Variants in NELL1 observed in about 807,000 individuals in gnomAD.
NELL1 encodes the protein protein kinase C-binding protein NELL1.
A neutral mutation model predicts 107.4 loss-of-function variants in NELL1; 76 were observed. The observed-to-expected ratio is 0.71, with a 90% confidence interval of 0.59 to 0.86. The LOEUF is 0.86. NELL1 is among the 40% of genes least tolerant of loss of function. The pLI is 0.00. For missense variants in NELL1, 1,024 were observed against 1,005.5 expected (o/e 1.02, Z -0.25); for synonymous variants, 353 against 341.2 (o/e 1.03, Z -0.38).
intron 12 of NELL1, among the ~76,000 whole-genome samples, chr11:21,093,886 C>G (rs977283944): frequency 1.3e-5 from 2 of 152,136 alleles, no homozygotes; most frequent in Non-Finnish European, 2.9e-5. Flanking sequence ...GTTGGGGAAA[C>G]AGCCAAATCA....
intron 13 of NELL1, among the ~76,000 whole-genome samples, chr11:21,185,276 G>A (rs1379619642): frequency 7.0e-6 from 1 of 142,020 alleles, no homozygotes; most frequent in Non-Finnish European, 1.5e-5. Context: ...GAACATACTT[G>A]TATTTAATTC....
At chr11:20,759,842 G>A (rs1439321108) in intron 2 of NELL1, among the ~76,000 whole-genome samples, 1 of 152,176 alleles carries the variant, frequency 6.6e-6, no homozygotes, top group Non-Finnish European at 1.5e-5. Flanking sequence ...GTGTTCCTGG[G>A]TCCAGAAGGA....
At chr11:20,694,564 C>G (rs1287516364) in intron 2 of NELL1, among the ~76,000 whole-genome samples, 1 of 152,026 alleles carries the variant, frequency 6.6e-6, no homozygotes, top group African/African-American at 2.4e-5. Flanking sequence ...TAGTAAAGAT[C>G]AGATGGTTGT....
At chr11:21,094,111 G>A (rs538974114) in intron 12 of NELL1, among the ~76,000 whole-genome samples, 402 of 152,150 alleles carry the variant, frequency 2.6e-3, no homozygotes, top group Non-Finnish European at 4.7e-3. Context: ...TGGGGGTACG[G>A]GATTGGGTAA....
chr11:20,687,187 T>C (rs1389857327), intron 2 of NELL1, among the ~76,000 whole-genome samples: 1 of 151,922 alleles, frequency 6.6e-6, no homozygotes, highest in Non-Finnish European at 1.5e-5. Context: ...TTAATAATTC[T>C]TTTAGTGAGA....
chr11:21,425,875 A>T (rs1852808234), intron 15 of NELL1, among the ~76,000 whole-genome samples: 1 of 152,188 alleles, frequency 6.6e-6, no homozygotes, highest in Non-Finnish European at 1.5e-5. Context: ...AACAAGGGAG[A>T]CAATAGAAAA....
At chr11:21,201,206 A>G (rs183866625) in intron 13 of NELL1, among the ~76,000 whole-genome samples, 3 of 152,334 alleles carry the variant, frequency 2.0e-5, no homozygotes, top group African/African-American at 7.2e-5. Flanking sequence ...CACTGAATCT[A>G]TAAATTACTA....
chr11:21,224,957 A>C (rs1317276842), intron 13 of NELL1, among the ~76,000 whole-genome samples: 2 of 152,070 alleles, frequency 1.3e-5, no homozygotes, highest in African/African-American at 4.8e-5. Flanking sequence ...CATTTCATAG[A>C]CTTCATTTGC....
intron 4 of NELL1, among the ~76,000 whole-genome samples, chr11:20,852,333 C>T (rs1459327653): frequency 6.6e-6 from 1 of 152,168 alleles, no homozygotes; most frequent in Non-Finnish European, 1.5e-5. Flanking sequence ...TTTTTGCATA[C>T]AACTGATCTT....
chr11:21,229,872 G>A (rs2133884370), intron 14 of NELL1, among the ~76,000 whole-genome samples: 1 of 152,284 alleles, frequency 6.6e-6, no homozygotes, highest in Non-Finnish European at 1.5e-5. Flanking sequence ...TCTGGGAGCA[G>A]TTTATCAATT....
intron 15 of NELL1, among the ~76,000 whole-genome samples, chr11:21,431,769 T>C (rs1852970972): frequency 6.6e-6 from 1 of 152,196 alleles, no homozygotes; most frequent in South Asian, 2.1e-4. Flanking sequence ...CCTTTACCAT[T>C]TTGCTTAACC....
At chr11:20,685,149 C>G (rs934657755) in intron 2 of NELL1, among the ~76,000 whole-genome samples, 16 of 152,074 alleles carry the variant, frequency 1.1e-4, no homozygotes, top group African/African-American at 3.9e-4. Flanking sequence ...TGCCTGAGTT[C>G]TGCCTTCCTA....
chr11:20,862,535 G>C (rs142988454), intron 4 of NELL1, among the ~76,000 whole-genome samples: 1 of 149,980 alleles, frequency 6.7e-6, no homozygotes, highest in Admixed American at 6.6e-5. Flanking sequence ...CAAAGGTATC[G>C]TGTCATCTAT....
At chr11:20,847,448 T>C in intron 3 of NELL1, 135 bp from the exon 4 acceptor site, 1 of 840,750 alleles carries the variant, frequency 1.2e-6, no homozygotes, top group Non-Finnish European at 1.8e-6. Flanking sequence ...TGAATTGACT[T>C]GAGGTCTTGG....
chr11:21,207,122 T>C (rs1857406507), intron 13 of NELL1, among the ~76,000 whole-genome samples: 1 of 152,236 alleles, frequency 6.6e-6, no homozygotes, highest in South Asian at 2.1e-4. Flanking sequence ...AGCTCTTCAT[T>C]AATTTTGTAG....
chr11:21,100,533 C>G lies in NELL1; in HGVS notation c.1301-13056C>G, dbSNP rs1438686872. Reference sequence around the variant, plus strand: ...TATGGTGGAACCACAATATGGAAAACAGCTTAGCGGTTTCTCAAAAGCCTA... The same window carrying G: ...TATGGTGGAACCACAATATGGAAAAGAGCTTAGCGGTTTCTCAAAAGCCTA... On this transcript the variant is annotated intron_variant, in intron 12 of 19. Coordinates refer to ENST00000357134, the MANE Select transcript of NELL1 (RefSeq NM_006157.5). 3.3e-5 allele frequency among the ~76,000 whole-genome samples: 5 copies of G among 152,218 alleles called. No individual in the cohort carries two copies. The East Asian group carries it at 7.7e-4, about 23-fold the overall frequency.
At chr11:20,910,486 C>T (rs1409656978) in intron 5 of NELL1, among the ~76,000 whole-genome samples, 1 of 152,200 alleles carries the variant, frequency 6.6e-6, no homozygotes, top group Admixed American at 6.5e-5. Context: ...CGGCCCCGCA[C>T]TCACCACAGT....
At chr11:21,553,453 T>C (rs187119546) in intron 16 of NELL1, among the ~76,000 whole-genome samples, 1 of 151,964 alleles carries the variant, frequency 6.6e-6, no homozygotes, top group East Asian at 1.9e-4. Flanking sequence ...AACTAGTTCT[T>C]TCCTTCACCT....
intron 15 of NELL1, among the ~76,000 whole-genome samples, chr11:21,520,391 G>A (rs765931474): frequency 9.2e-5 from 14 of 151,978 alleles, no homozygotes; most frequent in Admixed American, 5.9e-4. Flanking sequence ...AGATGAATGC[G>A]GCTCAAATCC....
Sources: gnomAD v4.1 joint callset for allele counts (sites outside exome capture counted in the v4.1 genomes callset) on GRCh38, gnomAD v4.1.1 for gene constraint, MANE v1.5 for transcripts, NCBI Gene and HGNC (gene_info 2026-07-23, HGNC 2026-07-21) for gene names.